The following AMPH variants were observed in gnomAD, a reference collection of about 807,000 sequenced individuals.
The protein encoded by AMPH is amphiphysin, also known as amphiphysin (Stiff-Mann syndrome with breast cancer 128kD autoantigen).
AMPH carries 49 observed loss-of-function variants against 99.1 expected under a neutral mutation model. The observed-to-expected ratio is 0.49, with a 90% confidence interval of 0.39 to 0.63. The LOEUF is 0.63. AMPH is among the 20% of genes least tolerant of loss of function. The pLI is 0.00. For synonymous variants in AMPH, 314 were observed against 317.3 expected, an observed-to-expected ratio of 0.99 and a Z score of 0.11; for missense variants, 759 against 863.4, an observed-to-expected ratio of 0.88 and a Z score of 1.52.
chr7:38,470,216 A>C (rs1374919807), intron 7 of AMPH, among the ~76,000 whole-genome samples: 1 of 152,140 alleles, frequency 6.6e-6, no homozygotes, highest in East Asian at 1.9e-4. Context: ...GACAAAAGTT[A>C]TTTTTAGAAA....
chr7:38,592,719 A>C (rs1324743574), intron 1 of AMPH, among the ~76,000 whole-genome samples: 1 of 149,478 alleles, frequency 6.7e-6, no homozygotes, highest in Non-Finnish European at 1.5e-5. Context: ...AGACAGAGCA[A>C]GACTCCGTCT....
chr7:38,571,545 A>T (rs1792037703), intron 1 of AMPH, among the ~76,000 whole-genome samples: 1 of 140,734 alleles, frequency 7.1e-6, no homozygotes, highest in Non-Finnish European at 1.5e-5. Context: ...ATTCTGTATA[A>T]ATATATATAT....
At chr7:38,514,886 C>T (rs918459603) in intron 2 of AMPH, among the ~76,000 whole-genome samples, 6 of 152,218 alleles carry the variant, frequency 3.9e-5, no homozygotes, top group African/African-American at 1.4e-4. Flanking sequence ...CCTGAAAATG[C>T]AGAAGAAGCT....
intron 1 of AMPH, among the ~76,000 whole-genome samples, chr7:38,541,127 A>C (rs1489881453): frequency 1.3e-5 from 2 of 151,738 alleles, no homozygotes; most frequent in East Asian, 3.9e-4. Flanking sequence ...TCTTCTGAAC[A>C]GGACATGGAG....
intron 1 of AMPH, among the ~76,000 whole-genome samples, chr7:38,610,848 G>A (rs1043049321): frequency 3.3e-5 from 5 of 152,084 alleles, no homozygotes; most frequent in Admixed American, 3.3e-4. Flanking sequence ...CAAGAGTTAA[G>A]GAGTATAAGG....
intron 1 of AMPH, among the ~76,000 whole-genome samples, chr7:38,537,430 T>G (rs10241398): frequency 0.51 from 77,730 of 151,974 alleles, 20,364 homozygotes; most frequent in African/African-American, 0.61. Context: ...CCCACTGAAC[T>G]TCACCAATGT....
intron 14 of AMPH, 165 bp downstream of exon 14, chr7:38,429,677 T>C (rs1785928883): frequency 2.3e-6 from 3 of 1,301,928 alleles, no homozygotes; most frequent in Non-Finnish European, 3.1e-6. Context: ...TTCAGGCGAG[T>C]AGCACCAGTA....
intron 4 of AMPH, among the ~76,000 whole-genome samples, chr7:38,492,840 T>C (rs1368910934): frequency 3.9e-5 from 6 of 152,238 alleles, no homozygotes; most frequent in Non-Finnish European, 8.8e-5. Context: ...TTCTATTATT[T>C]CCTTAAAAAT....
chr7:38,570,671 T>C (rs1791910877), intron 1 of AMPH, among the ~76,000 whole-genome samples: 3 of 151,192 alleles, frequency 2.0e-5, no homozygotes, highest in Middle Eastern at 3.4e-3. Context: ...GTATTTACTA[T>C]ACTTCTTATC....
At chr7:38,456,461 G>A (rs1787238753) in intron 11 of AMPH, among the ~76,000 whole-genome samples, 1 of 152,174 alleles carries the variant, frequency 6.6e-6, no homozygotes, top group Non-Finnish European at 1.5e-5. Flanking sequence ...CTGTTCAGGG[G>A]CCTGGAAATC....
At chr7:38,604,562 G>A (rs1793363843) in intron 1 of AMPH, among the ~76,000 whole-genome samples, 1 of 152,216 alleles carries the variant, frequency 6.6e-6, no homozygotes, top group Non-Finnish European at 1.5e-5. Context: ...GCTCAGCCAT[G>A]TGTTGCTCAC....
intron 1 of AMPH, among the ~76,000 whole-genome samples, chr7:38,621,583 T>C (rs1794064554): frequency 2.0e-5 from 3 of 152,184 alleles, no homozygotes. Flanking sequence ...TTTTATTAAA[T>C]CATTATAGGC....
At chr7:38,481,415 C>A (rs1788278433) in intron 5 of AMPH, among the ~76,000 whole-genome samples, 1 of 152,100 alleles carries the variant, frequency 6.6e-6, no homozygotes. Context: ...AGTTATTATA[C>A]ATTTTTTAAA....
chr7:38,385,000 T>G, intron 20 of AMPH, 75 bp from the exon 21 acceptor site: 1 of 1,280,928 alleles, frequency 7.8e-7, no homozygotes, highest in Non-Finnish European at 1.1e-6. Context: ...TAATTAATAA[T>G]GTGTTACATT....
chr7:38,397,397 G>T (rs545466910), intron 17 of AMPH, among the ~76,000 whole-genome samples: 2 of 151,998 alleles, frequency 1.3e-5, no homozygotes, highest in South Asian at 2.1e-4. Flanking sequence ...TATCAATTTG[G>T]TTGTATAAGA....
At chr7:38,385,246 G>C (rs1415168799) in intron 20 of AMPH, among the ~76,000 whole-genome samples, 1 of 152,190 alleles carries the variant, frequency 6.6e-6, no homozygotes, top group African/African-American at 2.4e-5. Context: ...AGTTCTTAAA[G>C]AGGAGAAAAG....
intron 17 of AMPH, among the ~76,000 whole-genome samples, chr7:38,395,978 A>G (rs977423274): frequency 2.6e-5 from 4 of 152,248 alleles, no homozygotes; most frequent in African/African-American, 4.8e-5. Context: ...TTATTTGGGA[A>G]TGAAAAAGAA....
intron 1 of AMPH, among the ~76,000 whole-genome samples, chr7:38,627,832 T>A (rs1432060941): frequency 6.6e-6 from 1 of 152,126 alleles, no homozygotes; most frequent in Non-Finnish European, 1.5e-5. Flanking sequence ...GAACCATATA[T>A]AAATTGTTAG....
intron 20 of AMPH, among the ~76,000 whole-genome samples, chr7:38,387,367 C>G (rs893655705): frequency 1.3e-5 from 2 of 152,032 alleles, no homozygotes; most frequent in Non-Finnish European, 2.9e-5. Context: ...TAAATTTGTT[C>G]AAGTATATAA....
Sources: gnomAD v4.1 joint callset for allele counts (sites outside exome capture counted in the v4.1 genomes callset) on GRCh38, gnomAD v4.1.1 for gene constraint, MANE v1.5 for transcripts, NCBI Gene and HGNC (gene_info 2026-07-23, HGNC 2026-07-21) for gene names.